Variants in LPP observed in about 807,000 individuals in gnomAD.
The protein encoded by LPP is lipoma-preferred partner.
Under a neutral mutation model 60.4 loss-of-function variants are expected in LPP, and 38 were observed. The ratio of observed to expected loss-of-function variants is 0.63; its 90% confidence interval spans 0.49 to 0.83. The LOEUF (loss-of-function observed/expected upper bound fraction) is 0.83. Among genes scored for constraint, LPP ranks in the 40% least tolerant of loss-of-function variants. The probability of loss-of-function intolerance (pLI) is 0.00; values close to 1 mark genes in which losing one functional copy is unlikely to be tolerated. For missense variants in LPP, 902 were observed against 783.6 expected, an observed-to-expected ratio of 1.15 and a Z score of -1.80; for synonymous variants, 328 against 290.8, an observed-to-expected ratio of 1.13 and a Z score of -1.30.
At chr3:188,370,329 C>G (rs187869316) in intron 3 of LPP, among the ~76,000 whole-genome samples, 3 of 152,250 alleles carry the variant, frequency 2.0e-5, no homozygotes, top group African/African-American at 7.2e-5. Flanking sequence ...GGCTGCACCG[C>G]CTACAAGTGG....
intron 4 of LPP, among the ~76,000 whole-genome samples, chr3:188,444,216 A>T (rs1794692995): frequency 6.7e-6 from 1 of 150,332 alleles, no homozygotes; most frequent in African/African-American, 2.5e-5. Flanking sequence ...CAGCATTGAT[A>T]TGGTGGAGCT....
chr3:188,159,235 C>T (rs1015829956), intron 1 of LPP, among the ~76,000 whole-genome samples: 4 of 152,192 alleles, frequency 2.6e-5, no homozygotes, highest in African/African-American at 7.2e-5. Context: ...AACCATATAG[C>T]TTCTGCGTCC....
intron 3 of LPP, among the ~76,000 whole-genome samples, chr3:188,380,357 G>T (rs1425765791): frequency 6.6e-6 from 1 of 152,232 alleles, no homozygotes; most frequent in African/African-American, 2.4e-5. Flanking sequence ...GTATATTTTT[G>T]TCATATTATG....
intron 2 of LPP, among the ~76,000 whole-genome samples, chr3:188,335,106 T>C (rs529411382): frequency 2.6e-5 from 4 of 152,338 alleles, no homozygotes; most frequent in South Asian, 2.1e-4. Flanking sequence ...ATCTTTGTCT[T>C]GTTCCAGAGC....
intron 6 of LPP, among the ~76,000 whole-genome samples, chr3:188,575,939 A>G (rs1357539160): frequency 1.3e-5 from 2 of 152,094 alleles, no homozygotes; most frequent in Non-Finnish European, 2.9e-5. Context: ...TAGGACCCTG[A>G]GCTTTCAGTA....
chr3:188,634,631 G>C (rs948039021), intron 7 of LPP, among the ~76,000 whole-genome samples: 1 of 152,154 alleles, frequency 6.6e-6, no homozygotes, highest in African/African-American at 2.4e-5. Context: ...TCTCATAGGA[G>C]CGTGAACCCT....
intron 8 of LPP, among the ~76,000 whole-genome samples, chr3:188,757,083 T>G (rs1208754628): frequency 2.6e-5 from 4 of 152,224 alleles, no homozygotes; most frequent in Non-Finnish European, 4.4e-5. Flanking sequence ...GCTCAAATGC[T>G]TCTTTCTCCA....
In LPP at chr3:188,716,418, A is replaced by G. The variant is rs148543438; in HGVS notation, c.1240+8025A>G. Among the ~76,000 whole-genome samples, 442 of 152,320 alleles carry G rather than the reference A, an allele frequency of 2.9e-3. 2 individuals carry two copies. The highest frequency in any genetic ancestry group is 0.014 in the Middle Eastern group (4 of 294). On this transcript the variant is annotated intron_variant, in intron 8 of 11. Transcript: ENST00000617246. ...GTGAATGTTCATGAATAGAAACAGA[A>G]CAAAAAAAACAATGAGGAGGATGGT...
chr3:188,752,435 C>G (rs573003488), intron 8 of LPP, among the ~76,000 whole-genome samples: 1 of 152,170 alleles, frequency 6.6e-6, no homozygotes, highest in Non-Finnish European at 1.5e-5. Flanking sequence ...ATCTGATTTT[C>G]TTTACACCAT....
At chr3:188,540,974 G>T (rs1360777831) in intron 6 of LPP, among the ~76,000 whole-genome samples, 1 of 152,106 alleles carries the variant, frequency 6.6e-6, no homozygotes, top group Non-Finnish European at 1.5e-5. Flanking sequence ...GAGCCATAAT[G>T]GTCTTGTCCT....
Position 188,176,610 on chromosome 3 carries a change from T to A in LPP, c.-190+22358T>A, listed in dbSNP as rs76772848. Among the ~76,000 whole-genome samples, 18 of 151,836 alleles carry A rather than the reference T, an allele frequency of 1.2e-4. 1 individual carries two copies. Among genetic ancestry groups the A allele is most frequent in the South Asian group, 4.2e-4 (2 of 4,816 alleles). On this transcript the variant is annotated intron_variant, in intron 1 of 11. Coordinates refer to ENST00000617246, the MANE Select transcript of LPP (RefSeq NM_001375462.1). The stretch of plus-strand genomic sequence containing the variant: ...CTTCAGCTAATTAAAAAAAAAAAAA[T>A]CAGTTAACCCACATTTATTGACCAG...
intron 2 of LPP, among the ~76,000 whole-genome samples, chr3:188,287,607 G>T (rs1744400253): frequency 6.6e-6 from 1 of 152,200 alleles, no homozygotes; most frequent in Non-Finnish European, 1.5e-5. Flanking sequence ...ACTGGCGGAG[G>T]TGGGGTGAGG....
intron 9 of LPP, 113 bp downstream of exon 9, chr3:188,760,395 A>G (rs1731785436): frequency 1.0e-6 from 1 of 976,706 alleles, no homozygotes; most frequent in Non-Finnish European, 1.5e-6. Flanking sequence ...CTAGACTTCA[A>G]AATGTGTGTG....
chr3:188,842,248 GT>G (rs1355633475), intron 9 of LPP, among the ~76,000 whole-genome samples: 1 of 152,142 alleles, frequency 6.6e-6, no homozygotes, highest in Non-Finnish European at 1.5e-5. Flanking sequence ...TCTGATTGTA[GT>G]TTTAATTTGC....
chr3:188,608,259 A>G (rs1251277860), intron 6 of LPP, among the ~76,000 whole-genome samples: 1 of 152,188 alleles, frequency 6.6e-6, no homozygotes, highest in East Asian at 1.9e-4. Flanking sequence ...CTTCATGACC[A>G]ATTGTCACAA....
chr3:188,414,352 T>C (rs909798888), intron 4 of LPP, among the ~76,000 whole-genome samples: 6 of 152,168 alleles, frequency 3.9e-5, no homozygotes, highest in African/African-American at 1.4e-4. Context: ...CAGGAACATT[T>C]TGGATTTCAG....
intron 10 of LPP, among the ~76,000 whole-genome samples, chr3:188,870,968 C>T (rs1767949806): frequency 1.3e-5 from 2 of 152,072 alleles, no homozygotes; most frequent in Non-Finnish European, 2.9e-5. Context: ...TCATTAGATA[C>T]AGCCCAACTT....
At chr3:188,811,465 G>A (rs754213765) in intron 9 of LPP, among the ~76,000 whole-genome samples, 3 of 151,994 alleles carry the variant, frequency 2.0e-5, no homozygotes, top group Non-Finnish European at 4.4e-5. Flanking sequence ...GACATCATTT[G>A]ATATTAACCT....
At chr3:188,755,546 A>G (rs1355719) in intron 8 of LPP, among the ~76,000 whole-genome samples, 150,564 of 152,228 alleles carry the variant, frequency 0.99, 74,470 homozygotes, top group East Asian at 1. Flanking sequence ...GTTCATGACT[A>G]TAATCCCGGC....
Sources: allele counts gnomAD v4.1 joint callset (sites outside exome capture counted in the v4.1 genomes callset), GRCh38; gene constraint gnomAD v4.1.1; transcripts MANE v1.5; gene names NCBI Gene and HGNC (gene_info 2026-07-23, HGNC 2026-07-21).